The following PCCB variants were observed in gnomAD, a reference collection of about 807,000 sequenced individuals.
PCCB encodes the protein propionyl-CoA carboxylase subunit beta, also known as propionyl-CoA carboxylase beta chain, mitochondrial.
Under a neutral mutation model 60.7 loss-of-function variants are expected in PCCB, and 43 were observed. The ratio of observed to expected loss-of-function variants is 0.71; its 90% CI spans 0.55 to 0.91. PCCB has a LOEUF of 0.91. Ranked by LOEUF, PCCB falls within the 40% of genes least tolerant of loss-of-function variation. PCCB has a pLI of 0.00. For synonymous variants in PCCB, 276 were observed against 255.9 expected (o/e 1.08, Z -0.75); for missense variants, 766 against 702.8 (o/e 1.09, Z -1.02).
In PCCB at chr3:136,304,451, G is replaced by A. The variant is rs1441597355; in HGVS notation, c.966+3340G>A. 2.6e-5 allele frequency among the ~76,000 whole-genome samples: 3 copies of A among 114,600 alleles called. 1 individual carries two copies. Among genetic ancestry groups the A allele is most frequent in the Non-Finnish European group, 3.9e-5 (2 of 51,864 alleles). The allele number at this position is 114,600 out of a possible 152,430, so 75.2% of individuals were successfully genotyped here. ...GGCTGGAGTGCAGTGGCGTGATCTC[G>A]GCTCACTGCAAGCTCTGCCTCCCGG... On this transcript the variant is annotated intron_variant, in intron 9 of 14. Coordinates refer to ENST00000251654, the MANE Select transcript of PCCB (RefSeq NM_000532.5).
rs1475495915 is a variant in PCCB, at chr3:136,253,934, T to C, written c.184-1922T>C. 7.9e-5 allele frequency among the ~76,000 whole-genome samples: 12 copies of C among 151,628 alleles called. No individual in the cohort carries two copies. The East Asian group carries it at 2.2e-3, about 27-fold the overall frequency. On this transcript the variant is annotated intron_variant, in intron 1 of 14. Coordinates refer to ENST00000251654, the MANE Select transcript of PCCB (RefSeq NM_000532.5). Reference sequence around the variant, plus strand: ...AAGTGCTGGGATTACAGGTGTGAGCTGCAGTGCCTGGTCAGTATAAATATA... The same window carrying C: ...AAGTGCTGGGATTACAGGTGTGAGCCGCAGTGCCTGGTCAGTATAAATATA...
At chr3:136,268,089 T>TAC (rs1553775724) in intron 5 of PCCB, among the ~76,000 whole-genome samples, 1 of 13,936 alleles carries the variant, frequency 7.2e-5, no homozygotes, top group Non-Finnish European at 1.7e-4. Flanking sequence ...TGTGTGTAGA[T>TAC]ATATATATAT....
chr3:136,321,777 G>T (rs1349917982), intron 10 of PCCB, among the ~76,000 whole-genome samples: 3 of 152,166 alleles, frequency 2.0e-5, no homozygotes, highest in African/African-American at 7.2e-5. Flanking sequence ...TTAAATTTCA[G>T]ATTCTACTGG....
At chr3:136,290,941 T>C (rs1933659897) in intron 6 of PCCB, among the ~76,000 whole-genome samples, 1 of 152,086 alleles carries the variant, frequency 6.6e-6, no homozygotes, top group Non-Finnish European at 1.5e-5. Flanking sequence ...TGGTTTCTCT[T>C]GAGATATCCT....
rs1474177341 is a variant in PCCB, at chr3:136,327,249, C to T, written c.1293C>T (p.Thr431=). ...EATVPKVTVI[T]RKAYGGAYDV... ...CTGTACCCAAAGTCACAGTCATCAC[C>T]AGGAAGGTGAGGACCTCATGTTGGA... Residue 431 remains threonine, a synonymous_variant, in exon 12 of 15, where the codon ACC becomes ACT. Coordinates refer to ENST00000251654, the MANE Select transcript of PCCB (RefSeq NM_000532.5). 1.2e-6 allele frequency: 2 copies of T among 1,613,116 alleles called. No individual in the cohort carries two copies. Among genetic ancestry groups the T allele is most frequent in the South Asian group, 1.1e-5 (1 of 91,046 alleles).
chr3:136,259,146 C>A lies in PCCB; in HGVS notation c.373-1333C>A, dbSNP rs957827580. 67 of 1,463,666 alleles carry A rather than the reference C, an allele frequency of 4.6e-5. No homozygotes were observed. The African/African-American group carries it at 9.0e-4, about 20-fold the overall frequency. The allele number at this position is 1,463,666 out of a possible 1,614,324, so 90.7% of individuals were successfully genotyped here. A position where few individuals can be genotyped will look rare whatever the true frequency, so the allele number is the denominator to read the frequency against. On this transcript the variant is annotated intron_variant, in intron 3 of 14. Coordinates refer to ENST00000251654, the MANE Select transcript of PCCB (RefSeq NM_000532.5). Reference sequence around the variant, plus strand: ...AGAAGAAGCAGTGAGAGCTCTGATTCTTGTTTTTTAACCTTTCTTTTTAAA... The same window carrying A: ...AGAAGAAGCAGTGAGAGCTCTGATTATTGTTTTTTAACCTTTCTTTTTAAA...
intron 3 of PCCB, among the ~76,000 whole-genome samples, chr3:136,258,961 C>T (rs955121210): frequency 1.3e-5 from 2 of 151,892 alleles, no homozygotes; most frequent in African/African-American, 4.8e-5. Flanking sequence ...CTTTCAGTTC[C>T]CCCCAAATTT....
At chr3:136,289,441 T>TA (rs1933572012) in intron 6 of PCCB, among the ~76,000 whole-genome samples, 1 of 152,222 alleles carries the variant, frequency 6.6e-6, no homozygotes, top group African/African-American at 2.4e-5. Context: ...CTGAAATTAA[T>TA]ATAGCTACTC....
At chr3:136,256,675 G>A in intron 3 of PCCB, 52 bp downstream of exon 3, 2 of 1,252,856 alleles carry the variant, frequency 1.6e-6, no homozygotes, top group East Asian at 2.3e-5. Context: ...AGAGCCAAGA[G>A]GAAAATATGT....
In PCCB at chr3:136,303,200, A is replaced by G. The variant is rs1433580019; in HGVS notation, c.966+2089A>G. Among the ~76,000 whole-genome samples the G allele has an allele frequency of 1.6e-5, 2 of 122,982 alleles. 1 individual carries two copies. Among genetic ancestry groups the G allele is most frequent in the Non-Finnish European group, 3.6e-5 (2 of 55,036 alleles). The allele number at this position is 122,982 out of a possible 152,430, so 80.7% of individuals were successfully genotyped here. A position where few individuals can be genotyped will look rare whatever the true frequency, so the allele number is the denominator to read the frequency against. ...AATGTAATGGTGAATCATAGTTGTG[A>G]TTCTGGGCATCTTTGTATTGTTTGT... On this transcript the variant is annotated intron_variant, in intron 9 of 14. Coordinates refer to ENST00000251654, the MANE Select transcript of PCCB (RefSeq NM_000532.5).
At chr3:136,302,406 C>A (rs983664119) in intron 9 of PCCB, among the ~76,000 whole-genome samples, 1 of 121,316 alleles carries the variant, frequency 8.2e-6, no homozygotes, top group African/African-American at 2.5e-5. Flanking sequence ...ATTCCTGGTG[C>A]TTCCTACTCT....
At chr3:136,309,961 G>A (rs1934597418) in intron 9 of PCCB, among the ~76,000 whole-genome samples, 1 of 152,198 alleles carries the variant, frequency 6.6e-6, no homozygotes. Context: ...GCTGGATTCA[G>A]TGGCTCATGC....
intron 9 of PCCB, among the ~76,000 whole-genome samples, chr3:136,313,236 C>T (rs1353857668): frequency 6.6e-6 from 1 of 152,178 alleles, no homozygotes; most frequent in Non-Finnish European, 1.5e-5. Flanking sequence ...CACTTCCCAC[C>T]ATACAAAATT....
chr3:136,274,813 ATTTCTTC>A (rs1942298205), intron 5 of PCCB, among the ~76,000 whole-genome samples: 1 of 147,814 alleles, frequency 6.8e-6, no homozygotes, highest in African/African-American at 2.5e-5. Context: ...AGCTTTGTTC[ATTTCTTC>A]TTTCTTTTTT....
chr3:136,260,666 A>G (rs1941796469), intron 4 of PCCB, 131 bp downstream of exon 4: 14 of 767,234 alleles, frequency 1.8e-5, no homozygotes, highest in Non-Finnish European at 2.9e-5. Flanking sequence ...TGTGCTACCA[A>G]CCCGAAGGGG....
At chr3:136,315,713 A>C (rs1183131472) in intron 9 of PCCB, among the ~76,000 whole-genome samples, 1 of 151,576 alleles carries the variant, frequency 6.6e-6, no homozygotes, top group African/African-American at 2.4e-5. Flanking sequence ...CTGTAGTCCT[A>C]GCTACTTGGG....
At chr3:136,256,034 C>T in intron 2 of PCCB, 59 bp downstream of exon 2, 1 of 1,611,666 alleles carries the variant, frequency 6.2e-7, no homozygotes, top group East Asian at 2.2e-5. Flanking sequence ...GGCCTACCCA[C>T]TAGAATAATA....
intron 10 of PCCB, among the ~76,000 whole-genome samples, chr3:136,325,279 C>T (rs541797438): frequency 2.4e-4 from 36 of 152,258 alleles, no homozygotes; most frequent in Admixed American, 1.2e-3. Context: ...CCACTTTGGC[C>T]TCCTGAGTAG....
At position 136,255,924 on chromosome 3, in the gene PCCB, G is replaced by A. The variant is rs778100997; in HGVS notation, c.252G>A (p.Met84Ile). ...LDPGSFVESD[M>I]FVEHRCADFG... ...CTGGCAGCTTTGTTGAGAGCGACAT[G>A]TTTGTGGAACACAGATGTGCAGATT... The change falls in exon 2 of 15, where the codon ATG (methionine) becomes ATA (isoleucine). Residue 84 changes from methionine (M) to isoleucine (I), a missense_variant. Physicochemically the swap from Met to Ile is conservative, Grantham distance 10. Transcript: ENST00000251654. The A allele has an allele frequency of 2.5e-6, 4 of 1,614,182 alleles. No homozygotes were observed. Among genetic ancestry groups the A allele is most frequent in the East Asian group, 2.2e-5 (1 of 44,888 alleles).
Sources: gnomAD v4.1 joint callset for allele counts (sites outside exome capture counted in the v4.1 genomes callset) on GRCh38, gnomAD v4.1.1 for gene constraint, MANE v1.5 for transcripts, NCBI Gene and HGNC (gene_info 2026-07-23, HGNC 2026-07-21) for gene names.